Variants in PHEX observed in about 807,000 individuals in gnomAD.
PHEX encodes the protein phosphate regulating endopeptidase X-linked, also known as phosphate-regulating neutral endopeptidase PHEX.
Under a neutral mutation model 68.0 loss-of-function variants are expected in PHEX, and 16 were observed. The observed-to-expected ratio is 0.24, with a 90% CI of 0.16 to 0.36. The LOEUF is 0.36. PHEX is among the 10% of genes least tolerant of loss of function. The pLI, the probability that PHEX is intolerant of heterozygous loss-of-function variation, is 1.00. For missense variants in PHEX, 480 were observed against 575.5 expected (o/e 0.83, Z 1.70); for synonymous variants, 208 against 205.1 (o/e 1.01, Z -0.12).
rs757886143 is a variant in PHEX, at chrX:22,162,452, AC to A, written c.1405-5859del. ...TGGTTAGGGGTATAAGATGACCTGG[AC>A]TCTTCTGGAAGACCTCCAAACACTA... On this transcript the variant is annotated intron_variant, in intron 12 of 21. Transcript: ENST00000379374. Among the ~76,000 whole-genome samples the A allele has an allele frequency of 2.7e-5, 3 of 110,780 alleles. No individual in the cohort carries two copies. In the South Asian group the frequency reaches 1.2e-3, roughly 43 times the overall value.
intron 11 of PHEX, among the ~76,000 whole-genome samples, chrX:22,130,999 A>C (rs73636807): frequency 0.016 from 1,783 of 110,806 alleles, 33 homozygotes; most frequent in East Asian, 0.087. Flanking sequence ...GATGCCCACG[A>C]CGCAGGATTT....
chrX:22,096,876 T>C (rs1602290275), intron 7 of PHEX, 79 bp from the exon 8 acceptor site: 2 of 757,554 alleles, frequency 2.6e-6, no homozygotes, highest in East Asian at 6.4e-5. Flanking sequence ...TATGCAGATG[T>C]TTTGGCACAT....
At chrX:22,138,199 G>T (rs1932311381) in intron 12 of PHEX, among the ~76,000 whole-genome samples, 1 of 112,839 alleles carries the variant, frequency 8.9e-6, no homozygotes. Flanking sequence ...AGCCCCTGGG[G>T]GTATACGCTT....
In PHEX at chrX:22,248,779, G is replaced by GTGAT. The variant is rs1308440859; in HGVS notation, c.*829_*832dup. The GTGAT allele has an allele frequency of 8.9e-6, 1 of 112,058 alleles. No homozygotes were observed. The highest frequency in any genetic ancestry group is 9.4e-5 in the Admixed American group (1 of 10,585). The allele number at this position is 112,058 out of a possible 1,213,427, so 9.2% of individuals were successfully genotyped here. A position where few individuals can be genotyped will look rare whatever the true frequency, so the allele number is the denominator to read the frequency against. On this transcript the variant is annotated 3_prime_UTR_variant, in exon 22 of 22. Transcript: ENST00000379374. ...TTTTGTCCAGTCTGTATGAACTGCA[G>GTGAT]TGATTGTCTGTCTGCTAGACACTTT...
Position 22,167,494 on chromosome X carries a change from T to C in PHEX, c.1405-818T>C, listed in dbSNP as rs1345662481. 7.3e-4 allele frequency among the ~76,000 whole-genome samples: 70 copies of C among 95,511 alleles called. 1 individual carries two copies. Among genetic ancestry groups the C allele is most frequent in the African/African-American group, 2.6e-3 (62 of 23,797 alleles). 82.9% of individuals were successfully genotyped at this position (95,511 alleles called of 115,157 possible). ...TCCCTTTTTAATTTTTTAATTTCTT[T>C]TTTTTTTTTTTTTTGGAGACAGGGT... On this transcript the variant is annotated intron_variant, in intron 12 of 21. Transcript: ENST00000379374.
At chrX:22,074,860 G>A (rs1602272491) in intron 3 of PHEX, among the ~76,000 whole-genome samples, 1 of 111,343 alleles carries the variant, frequency 9.0e-6, no homozygotes, top group Non-Finnish European at 1.9e-5. Flanking sequence ...TGGATCACCT[G>A]AGGTCAGGCG....
At chrX:22,101,717 T>TA (rs1415374039) in intron 9 of PHEX, among the ~76,000 whole-genome samples, 8 of 111,524 alleles carry the variant, frequency 7.2e-5, no homozygotes, top group African/African-American at 2.3e-4. Context: ...ATGTCACTTC[T>TA]ACCCATAATC....
chrX:22,066,045 A>AG (rs1928585344), intron 3 of PHEX, among the ~76,000 whole-genome samples: 1 of 112,181 alleles, frequency 8.9e-6, no homozygotes. Context: ...TGGAGCTCTG[A>AG]GTTGGAAGGG....
In PHEX at chrX:22,212,932, T is replaced by C; in HGVS notation, c.1674T>C (p.Pro558=). ...IRFPAGELQK[P]FFWGTEYPRS... ...TTCCAGCAGGAGAGCTCCAGAAGCC[T>C]TTCTTTTGGGGAACAGAATATCCTC... Residue 558 remains proline, a synonymous_variant, in exon 16 of 22, where the codon CCT becomes CCC. Transcript: ENST00000379374. The C allele has an allele frequency of 8.3e-7, 1 of 1,205,258 alleles. No homozygotes were observed. The highest frequency in any genetic ancestry group is 3.0e-5 in the East Asian group (1 of 33,810).
chrX:22,072,619 C>T (rs1024966630), intron 3 of PHEX, among the ~76,000 whole-genome samples: 1 of 111,541 alleles, frequency 9.0e-6, no homozygotes. Context: ...AGGACTCGTA[C>T]GTAGAATATA....
At chrX:22,201,239 C>T (rs935782524) in intron 15 of PHEX, among the ~76,000 whole-genome samples, 9 of 111,087 alleles carry the variant, frequency 8.1e-5, no homozygotes, top group African/African-American at 2.6e-4. Flanking sequence ...TGCAGTGGCC[C>T]GATCTTGGCT....
At chrX:22,234,990 G>A (rs1002586607) in intron 20 of PHEX, among the ~76,000 whole-genome samples, 3 of 111,857 alleles carry the variant, frequency 2.7e-5, no homozygotes, top group African/African-American at 9.7e-5. Flanking sequence ...CTCCTGTTCT[G>A]CAGGTTGCGA....
chrX:22,198,114 A>C (rs867765561), intron 15 of PHEX, among the ~76,000 whole-genome samples: 2 of 99,060 alleles, frequency 2.0e-5, no homozygotes, highest in African/African-American at 8.2e-5. Context: ...ATATATTATA[A>C]ATTATACATA....
chrX:22,143,667 G>A (rs1396325874), intron 12 of PHEX, among the ~76,000 whole-genome samples: 3 of 112,344 alleles, frequency 2.7e-5, no homozygotes, highest in African/African-American at 9.7e-5. Context: ...ACGCACCAAT[G>A]CGATTTTTGT....
chrX:22,094,717 C>T (rs767624711), intron 7 of PHEX, among the ~76,000 whole-genome samples: 2 of 112,118 alleles, frequency 1.8e-5, no homozygotes, highest in South Asian at 7.5e-4. Context: ...GTGTCATATA[C>T]ATGACACAGA....
At chrX:22,188,763 C>T (rs190952609) in intron 14 of PHEX, among the ~76,000 whole-genome samples, 51 of 111,548 alleles carry the variant, frequency 4.6e-4, no homozygotes, top group South Asian at 1.5e-3. Flanking sequence ...ACAAACAATC[C>T]GCTTATATTA....
At chrX:22,211,435 A>G (rs1452064070) in intron 15 of PHEX, among the ~76,000 whole-genome samples, 1 of 112,283 alleles carries the variant, frequency 8.9e-6, no homozygotes, top group Admixed American at 9.5e-5. Context: ...TCATCTCAAT[A>G]TTGTGCAATG....
At chrX:22,233,601 C>T (rs930310090) in intron 20 of PHEX, among the ~76,000 whole-genome samples, 2 of 110,808 alleles carry the variant, frequency 1.8e-5, no homozygotes, top group Admixed American at 9.7e-5. Context: ...TTGATCAATT[C>T]GGCTATTGAT....
At chrX:22,041,265 C>CTCTCTCTCTCTATATATATA (rs1468778300) in intron 2 of PHEX, among the ~76,000 whole-genome samples, 1 of 72,819 alleles carries the variant, frequency 1.4e-5, no homozygotes, top group African/African-American at 6.3e-5. Context: ...CTCTCTCTCT[C>CTCTCTCTCTCTATATATATA]TATATATATA....
Sources: allele counts gnomAD v4.1 joint callset (sites outside exome capture counted in the v4.1 genomes callset), GRCh38; gene constraint gnomAD v4.1.1; transcripts MANE v1.5; gene names NCBI Gene and HGNC (gene_info 2026-07-23, HGNC 2026-07-21).